CHD5: variants seen among roughly 807,000 people sequenced by gnomAD.
CHD5 encodes ATP-dependent chromatin remodeler CHD5.
CHD5 carries 69 observed loss-of-function variants against 230.3 expected under a neutral mutation model. That is an observed-to-expected ratio of 0.30 (90% confidence interval 0.25 to 0.37). CHD5 has a LOEUF of 0.37. CHD5 is among the 10% of genes least tolerant of loss of function. The pLI is 1.00. For synonymous variants in CHD5, 1,064 were observed against 1,065.9 expected, an observed-to-expected ratio of 1.00 and a Z score of 0.03; for missense variants, 1,827 against 2,622.8, an observed-to-expected ratio of 0.70 and a Z score of 6.63.
chr1:6,146,823 T>C lies in CHD5; in HGVS notation c.1432A>G (p.Thr478Ala), dbSNP rs1341771058. 6.4e-7 allele frequency: 1 copy of C among 1,569,438 alleles called. No individual in the cohort carries two copies. Among genetic ancestry groups the C allele is most frequent in the African/African-American group, 1.3e-5 (1 of 74,104 alleles). Residue 478 changes from threonine (T) to alanine (A), a missense_variant, in exon 10 of 42, where the codon ACG (threonine) becomes GCG (alanine). Around this residue, in one of 14 missense-constraint regions of CHD5, gnomAD observed 657 missense variants for 816.4 expected, o/e 0.80. Transcript: ENST00000262450. This position sits in a 1 kb window ranked among gnomAD's most constrained non-coding sequence, Gnocchi z 5.1. ...ACCATGAAGGGGGCAGGGGGCTCCG[T>C]CCACCTCCAGTGTAGAATCCGCTGG... ...KVQRILHWRW[T>A]EPPAPFMVGL...
intron 33 of CHD5, among the ~76,000 whole-genome samples, chr1:6,118,378 CAAAAAAAAAAAAA>C (rs60950909): frequency 1.3e-5 from 1 of 79,198 alleles, no homozygotes; most frequent in Non-Finnish European, 2.6e-5. Flanking sequence ...GACCCTGTCT[CAAAAAAAAAAAAA>C]AAAAAAAAGG....
Position 6,154,963 on chromosome 1 carries a change from C to T in CHD5, c.507-65G>A, listed in dbSNP as rs540645709. On this transcript the variant is annotated intron_variant, in intron 4 of 41. Coordinates refer to ENST00000262450, the MANE Select transcript of CHD5 (RefSeq NM_015557.3). This position sits in a 1 kb window ranked among gnomAD's most constrained non-coding sequence, Gnocchi z 7.0. ...TGAGATGAGAGGCCCACCCGACCCC[C>T]GGCAGGGCCCACCCCTCTGCCACAT... The T allele has an allele frequency of 4.3e-4, 608 of 1,414,730 alleles. No homozygotes were observed. The African/African-American group carries it at 7.2e-3, about 17-fold the overall frequency. 87.6% of individuals were successfully genotyped at this position (1,414,730 alleles called of 1,614,324 possible).
rs757091211 is a variant in CHD5, at chr1:6,106,791, G to A, written c.5579-12C>T. 6 of 1,607,422 alleles carry A rather than the reference G, an allele frequency of 3.7e-6. No homozygotes were observed. Among genetic ancestry groups the A allele is most frequent in the African/African-American group, 1.3e-5 (1 of 74,516 alleles). On this transcript the variant is annotated splice_polypyrimidine_tract_variant and intron_variant, in intron 38 of 41. Transcript: ENST00000262450. ...CAGCTGGTTCAGGACTGTGGTGGGAGGCGGAGGGATGGTAGGATGCAGGGA... is the reference window on the plus strand; with the variant it reads ...CAGCTGGTTCAGGACTGTGGTGGGAAGCGGAGGGATGGTAGGATGCAGGGA...
intron 33 of CHD5, among the ~76,000 whole-genome samples, chr1:6,117,660 C>T (rs959309528): frequency 6.6e-6 from 1 of 152,120 alleles, no homozygotes; most frequent in African/African-American, 2.4e-5. Context: ...AAATTATACA[C>T]AAATAAGCCA....
chr1:6,143,880 C>G lies in CHD5; in HGVS notation c.1986G>C (p.Lys662Asn). 6.2e-7 allele frequency: 1 copy of G among 1,613,902 alleles called. No individual in the cohort carries two copies. The highest frequency in any genetic ancestry group is 8.5e-7 in the Non-Finnish European group (1 of 1,180,034). The part of the protein sequence containing the change: ...DTRLPKRLLK[K>N]GKKLRDDKQE... ...GCTTGTCGTCCCTCAGCTTCTTGCC[C>G]TTCTTGAGCAGCCTCTTGGGCAGCC... is the stretch of plus-strand genomic sequence containing the variant. The change falls in exon 13 of 42, where the codon AAG becomes AAC. Residue 662 changes from lysine to asparagine, a missense_variant. Coordinates refer to ENST00000262450, the MANE Select transcript of CHD5 (RefSeq NM_015557.3).
Position 6,128,989 on chromosome 1 carries a change from C to T in CHD5, c.3468G>A (p.Glu1156=). The change falls in exon 23 of 42, where the codon GAG becomes GAA. Residue 1156 remains glutamate, a synonymous_variant. Coordinates refer to ENST00000262450, the MANE Select transcript of CHD5 (RefSeq NM_015557.3). This position sits in a 1 kb window ranked among gnomAD's most constrained non-coding sequence, Gnocchi z 7.8. ...TGCGCTTGGCCACCTGCGTGATGCG[C>T]TCCTCCACCGAGGCCCGAGTCACGA... ...YRFVTRASVE[E]RITQVAKRKM... 6.2e-7 allele frequency: 1 copy of T among 1,612,170 alleles called. No individual in the cohort carries two copies. Among genetic ancestry groups the T allele is most frequent in the Non-Finnish European group, 8.5e-7 (1 of 1,179,964 alleles).
At chr1:6,161,647 G>C (rs1487752892) in intron 2 of CHD5, among the ~76,000 whole-genome samples, 2 of 152,190 alleles carry the variant, frequency 1.3e-5, no homozygotes, top group Admixed American at 1.3e-4. Flanking sequence ...CCCAAGCTCG[G>C]CCTCGGTCCT....
At chr1:6,158,270 C>T (rs889858626) in intron 3 of CHD5, among the ~76,000 whole-genome samples, 1 of 152,190 alleles carries the variant, frequency 6.6e-6, no homozygotes. Flanking sequence ...GACGCTGGGC[C>T]CAGGGGAGAG....
Position 6,142,449 on chromosome 1 carries a change from G to A in CHD5, c.2200C>T (p.Gln734Ter). ...ADEMGLGKTV[Q>*]TIVFLYSLYK... ...AGGGAGTAAAGGAACACGATGGTCT[G>A]CACCGTCTTGCCCAGACCCATCTCA... The change falls in exon 14 of 42, where the codon CAG becomes TAG. Residue 734 changes from glutamine to a stop codon, truncating the protein, a stop_gained. Transcript: ENST00000262450. LOFTEE classifies it high-confidence loss of function. This position sits in a 1 kb window ranked among gnomAD's most constrained non-coding sequence, Gnocchi z 5.2. 1.2e-6 allele frequency: 2 copies of A among 1,613,714 alleles called. No homozygotes were observed. Among genetic ancestry groups the A allele is most frequent in the Non-Finnish European group, 1.7e-6 (2 of 1,179,688 alleles).
rs779053188 is a variant in CHD5 at position 6,154,922 on chromosome 1, T to C, written c.507-24A>G. 1 of 1,605,134 alleles carries C rather than the reference T, an allele frequency of 6.2e-7. No individual in the cohort carries two copies. The highest frequency in any genetic ancestry group is 1.1e-5 in the South Asian group (1 of 90,004). On this transcript the variant is annotated intron_variant, in intron 4 of 41. Coordinates refer to ENST00000262450, the MANE Select transcript of CHD5 (RefSeq NM_015557.3). The surrounding 1 kb of genome is among the most constrained non-coding windows in gnomAD (Gnocchi z 7.0). The stretch of plus-strand genomic sequence containing the variant: ...GCCTGTAGGGGGAGAGGCAGGAGGG[T>C]GAGGGCAAGGCCAGGTGAGATGAGA...
chr1:6,142,493 G>T lies in CHD5; in HGVS notation c.2156C>A (p.Thr719Asn). Residue 719 changes from threonine to asparagine, a missense_variant, in exon 14 of 42, where the codon ACT becomes AAT. Thr to Asn is a moderately conservative substitution (Grantham distance 65, BLOSUM62 0). Around this residue, in one of 14 missense-constraint regions of CHD5, gnomAD observed 37 missense variants for 105.7 expected, o/e 0.35. Coordinates refer to ENST00000262450, the MANE Select transcript of CHD5 (RefSeq NM_015557.3). This position sits in a 1 kb window ranked among gnomAD's most constrained non-coding sequence, Gnocchi z 5.2. The stretch of plus-strand genomic sequence containing the variant: ...CATCTCATCGGCCAGGATGGTGTCA[G>T]TGCCCTGGGCCCAAGAGAAGCGCAG... ...NWLRFSWAQG[T>N]DTILADEMGL... The T allele has an allele frequency of 6.2e-7, 1 of 1,614,112 alleles. No individual in the cohort carries two copies. Among genetic ancestry groups the T allele is most frequent in the Admixed American group, 1.7e-5 (1 of 60,028 alleles).
At position 6,134,707 on chromosome 1, in the gene CHD5, G is replaced by T; in HGVS notation, c.3012+11C>A. On this transcript the variant is annotated intron_variant, in intron 19 of 41. Transcript: ENST00000262450. This position sits in a 1 kb window ranked among gnomAD's most constrained non-coding sequence, Gnocchi z 6.3. Reference sequence around the variant, plus strand: ...CATGGAGAAGCTGCCATGATGGCCGGGGAAACCTACCACGGCAGCCACAGG... The same window carrying T: ...CATGGAGAAGCTGCCATGATGGCCGTGGAAACCTACCACGGCAGCCACAGG... 1 of 1,613,900 alleles carries T rather than the reference G, an allele frequency of 6.2e-7. No homozygotes were observed. Among genetic ancestry groups the T allele is most frequent in the Non-Finnish European group, 8.5e-7 (1 of 1,179,852 alleles).
rs1667268910 is a variant in CHD5, at chr1:6,167,173, G to A, written c.207+977C>T. Among the ~76,000 whole-genome samples the A allele has an allele frequency of 6.6e-6, 1 of 152,212 alleles. No individual in the cohort carries two copies. The highest frequency in any genetic ancestry group is 1.5e-5 in the Non-Finnish European group (1 of 68,046). ...CCCTCTAGGCGGGGGAAAGAAAGGT[G>A]GAGAGCTGGCCTCAGGTCCCCCCGG... is the stretch of plus-strand genomic sequence containing the variant. On this transcript the variant is annotated intron_variant, in intron 2 of 41. Coordinates refer to ENST00000262450, the MANE Select transcript of CHD5 (RefSeq NM_015557.3). This position sits in a 1 kb window ranked among gnomAD's most constrained non-coding sequence, Gnocchi z 4.5.
intron 25 of CHD5, among the ~76,000 whole-genome samples, 185 bp downstream of exon 25, chr1:6,127,861 G>C (rs1322220486): frequency 6.6e-6 from 1 of 152,184 alleles, no homozygotes; most frequent in Non-Finnish European, 1.5e-5. Flanking sequence ...GTTGGAGGGC[G>C]GAGCACACGC....
Position 6,142,089 on chromosome 1 carries a change from G to C in CHD5, c.2436+39C>G. 6.4e-7 allele frequency: 1 copy of C among 1,572,198 alleles called. No individual in the cohort carries two copies. Among genetic ancestry groups the C allele is most frequent in the African/African-American group, 1.3e-5 (1 of 74,206 alleles). The stretch of plus-strand genomic sequence containing the variant: ...CCCGTGGTCCCTGAACTAGACCGGG[G>C]GCCTTCCTACCGTCCTTCCAAGGAT... On this transcript the variant is annotated intron_variant, in intron 15 of 41. Transcript: ENST00000262450. This position sits in a 1 kb window ranked among gnomAD's most constrained non-coding sequence, Gnocchi z 5.2.
intron 2 of CHD5, among the ~76,000 whole-genome samples, chr1:6,164,767 G>A (rs1341769561): frequency 7.2e-5 from 11 of 152,196 alleles, no homozygotes; most frequent in Non-Finnish European, 7.3e-5. Flanking sequence ...AGGGGAGGGG[G>A]CACCTCTGGA....
intron 6 of CHD5, among the ~76,000 whole-genome samples, chr1:6,151,761 C>T (rs1667011741): frequency 6.6e-6 from 1 of 150,424 alleles, no homozygotes; most frequent in African/African-American, 2.5e-5. Context: ...TGGCTCCTGC[C>T]ATGGTGCAGG....
At chr1:6,140,273 G>A (rs899764787) in intron 15 of CHD5, among the ~76,000 whole-genome samples, 10 of 152,084 alleles carry the variant, frequency 6.6e-5, no homozygotes, top group Admixed American at 4.6e-4. Flanking sequence ...GGTAGCACGC[G>A]CCTGTAGTCC....
chr1:6,108,082 A>G, intron 38 of CHD5, among the ~76,000 whole-genome samples: 1 of 129,452 alleles, frequency 7.7e-6, no homozygotes, highest in African/African-American at 3.0e-5. Context: ...TGATGGAGAG[A>G]TGGAGGGATG....
Sources: gnomAD v4.1 joint callset for allele counts (sites outside exome capture counted in the v4.1 genomes callset) on GRCh38, gnomAD v4.1.1 for gene constraint, gnomAD v4.1.1 regional missense constraint, Gnocchi (gnomAD v3.1) non-coding constraint, MANE v1.5 for transcripts, NCBI Gene and HGNC (gene_info 2026-07-23, HGNC 2026-07-21) for gene names.